Variants in CCDC88C observed in about 807,000 individuals in gnomAD.
The protein encoded by CCDC88C is protein Daple.
A neutral mutation model predicts 198.8 loss-of-function variants in CCDC88C; 131 were observed. The observed-to-expected ratio is 0.66, with a 90% CI of 0.57 to 0.76. The LOEUF is 0.76. Ranked by LOEUF, CCDC88C falls within the 30% of genes least tolerant of loss-of-function variation. The probability of loss-of-function intolerance (pLI) is 0.00; values close to 1 mark genes in which losing one functional copy is unlikely to be tolerated. For synonymous variants in CCDC88C, 1,166 were observed against 1,114.7 expected (o/e 1.05, Z -0.92); for missense variants, 2,553 against 2,631.6 (o/e 0.97, Z 0.65).
intron 3 of CCDC88C, among the ~76,000 whole-genome samples, chr14:91,386,889 CA>C: frequency 6.6e-6 from 1 of 152,328 alleles, no homozygotes; most frequent in East Asian, 1.9e-4. Flanking sequence ...AGCCAGGACC[CA>C]CCACAATGAG....
chr14:91,344,302 C>A (rs1053275814), intron 4 of CCDC88C, among the ~76,000 whole-genome samples: 1 of 152,122 alleles, frequency 6.6e-6, no homozygotes, highest in Non-Finnish European at 1.5e-5. Flanking sequence ...ACTGAGTCAA[C>A]GCTAAAATAA....
rs763754606 is a variant in CCDC88C at position 91,309,966 on chromosome 14, C to T, written c.2757G>A (p.Leu919=). Residue 919 remains leucine (L), a synonymous_variant, in exon 16 of 30, where the codon CTG becomes CTA. Transcript: ENST00000389857. ...TLREDLVLEK[L]KSQQLSSELD... ...GCTCACTGCTGAGCTGCTGGCTCTT[C>T]AGCTTCTCGAGCACCAGGTCCTGGA... 3.1e-6 allele frequency: 5 copies of T among 1,600,280 alleles called. No homozygotes were observed. The African/African-American group carries it at 4.0e-5, about 13-fold the overall frequency.
At chr14:91,364,935 G>A (rs1002609591) in intron 3 of CCDC88C, among the ~76,000 whole-genome samples, 1 of 152,204 alleles carries the variant, frequency 6.6e-6, no homozygotes, top group Admixed American at 6.5e-5. Flanking sequence ...CAGGATACAG[G>A]TGTCCCACTC....
chr14:91,338,079 C>G lies in CCDC88C; in HGVS notation c.976G>C (p.Glu326Gln), dbSNP rs1291571944. Residue 326 changes from glutamate to glutamine, a missense_variant, in exon 10 of 30, where the codon GAG becomes CAG. By Grantham distance (29) the Glu-to-Gln change is conservative. Transcript: ENST00000389857. This position sits in a 1 kb window ranked among gnomAD's most constrained non-coding sequence, Gnocchi z 4.8. ...CGGGTCAGCTCCAGCTCCAGCCTCTCCACGCGGTTCGCCTTCTCCCGCAGG... is the reference window on the plus strand; with the variant it reads ...CGGGTCAGCTCCAGCTCCAGCCTCTGCACGCGGTTCGCCTTCTCCCGCAGG... ...DSLREKANRV[E>Q]RLELELTRCK... is the part of the protein sequence containing the mutation. 1 of 1,613,900 alleles carries G rather than the reference C, an allele frequency of 6.2e-7. No individual in the cohort carries two copies. Among genetic ancestry groups the G allele is most frequent in the Non-Finnish European group, 8.5e-7 (1 of 1,179,890 alleles).
intron 2 of CCDC88C, among the ~76,000 whole-genome samples, chr14:91,413,260 T>A (rs563411644): frequency 6.6e-6 from 1 of 152,316 alleles, no homozygotes; most frequent in South Asian, 2.1e-4. Flanking sequence ...ATCTGCACAA[T>A]GATAGACATA....
intron 29 of CCDC88C, among the ~76,000 whole-genome samples, chr14:91,274,709 C>A (rs977582393): frequency 1.3e-5 from 2 of 152,246 alleles, no homozygotes; most frequent in African/African-American, 4.8e-5. Flanking sequence ...AGGTACCTTT[C>A]ATCACCTGTG....
At chr14:91,355,065 T>C (rs563894654) in intron 4 of CCDC88C, among the ~76,000 whole-genome samples, 3 of 152,048 alleles carry the variant, frequency 2.0e-5, no homozygotes, top group East Asian at 3.9e-4. Flanking sequence ...GGCTGCAAAA[T>C]GACAGTCGGC....
In CCDC88C at chr14:91,299,917, C is replaced by T. The variant is rs373085276; in HGVS notation, c.3779+10G>A. On this transcript the variant is annotated intron_variant, in intron 21 of 29. Coordinates refer to ENST00000389857, the MANE Select transcript of CCDC88C (RefSeq NM_001080414.4). The stretch of plus-strand genomic sequence containing the variant: ...TGCTGCTATGTGCAGGGCCGGGCGC[C>T]GGCGCTCACCTGTCCAGCTCGCCCC... The T allele has an allele frequency of 1.1e-4, 178 of 1,576,950 alleles. No homozygotes were observed. In the African/African-American group the frequency reaches 1.9e-3, roughly 16 times the overall value.
chr14:91,337,725 T>C (rs998343997), intron 10 of CCDC88C, among the ~76,000 whole-genome samples: 1 of 152,188 alleles, frequency 6.6e-6, no homozygotes. Flanking sequence ...CGCACACGGA[T>C]AGAAGGTGAT....
At chr14:91,310,125 C>T (rs763072430) in intron 15 of CCDC88C, 139 bp from the exon 16 acceptor site, 2 of 807,802 alleles carry the variant, frequency 2.5e-6, no homozygotes, top group Non-Finnish European at 3.6e-6. Flanking sequence ...ACTCTGAACC[C>T]CAGGGATGCT....
At chr14:91,395,141 A>G (rs1462829959) in intron 3 of CCDC88C, among the ~76,000 whole-genome samples, 1 of 152,210 alleles carries the variant, frequency 6.6e-6, no homozygotes, top group African/African-American at 2.4e-5. Flanking sequence ...GGAACCCACC[A>G]TTCGACCTTG....
rs1893872037 is a variant in CCDC88C at position 91,352,771 on chromosome 14, G to A, written c.340+6871C>T. ...ATGAAGCCTGAGTGGCCGACCCTCA[G>A]CCTCCACACCACACGGTGAGCAGGC... On this transcript the variant is annotated intron_variant, in intron 4 of 29. Transcript: ENST00000389857. This position sits in a 1 kb window ranked among gnomAD's most constrained non-coding sequence, Gnocchi z 4.2. Among the ~76,000 whole-genome samples the A allele has an allele frequency of 2.0e-5, 3 of 152,222 alleles. No homozygotes were observed. The highest frequency in any genetic ancestry group is 4.4e-5 in the Non-Finnish European group (3 of 68,042).
At chr14:91,393,245 A>G (rs553833489) in intron 3 of CCDC88C, among the ~76,000 whole-genome samples, 8 of 152,252 alleles carry the variant, frequency 5.3e-5, no homozygotes, top group African/African-American at 1.9e-4. Flanking sequence ...CCTGGAGGAC[A>G]AGAGGAGCTG....
At chr14:91,340,334 A>G (rs1443806177) in intron 6 of CCDC88C, among the ~76,000 whole-genome samples, 1 of 152,228 alleles carries the variant, frequency 6.6e-6, no homozygotes, top group Admixed American at 6.5e-5. Flanking sequence ...AGCTACATCA[A>G]TGTAGAACAC....
intron 3 of CCDC88C, among the ~76,000 whole-genome samples, chr14:91,398,078 G>A (rs1267852033): frequency 1.3e-5 from 2 of 152,164 alleles, no homozygotes; most frequent in African/African-American, 4.8e-5. Context: ...AAAGCCCCCA[G>A]CATGGGCACT....
intron 4 of CCDC88C, among the ~76,000 whole-genome samples, chr14:91,346,701 C>G (rs1186844494): frequency 1.3e-5 from 2 of 152,112 alleles, no homozygotes; most frequent in Non-Finnish European, 2.9e-5. Context: ...GAGTTCGAAA[C>G]CAGCCTGGCC....
At chr14:91,401,140 G>C (rs1004912075) in intron 3 of CCDC88C, among the ~76,000 whole-genome samples, 1 of 148,130 alleles carries the variant, frequency 6.8e-6, no homozygotes, top group South Asian at 2.1e-4. Context: ...GCAAGCACAA[G>C]TACCAAAATG....
In CCDC88C at chr14:91,338,546, C is replaced by A; in HGVS notation, c.834G>T (p.Val278=). The A allele has an allele frequency of 6.4e-7, 1 of 1,570,336 alleles. No homozygotes were observed. Among genetic ancestry groups the A allele is most frequent in the East Asian group, 2.4e-5 (1 of 42,176 alleles). The change falls in exon 9 of 30, where the codon GTG becomes GTT. Residue 278 remains valine (V), a synonymous_variant. Transcript: ENST00000389857. The surrounding 1 kb of genome is among the most constrained non-coding windows in gnomAD (Gnocchi z 4.8). Reference sequence around the variant, plus strand: ...GCTGGTCCACCTCATGTCTGGTGTCCACAAGCTGCTCTGTCTTATCCTCCC... The same window carrying A: ...GCTGGTCCACCTCATGTCTGGTGTCAACAAGCTGCTCTGTCTTATCCTCCC... ...QELEDKTEQL[V]DTRHEVDQLV...
At position 91,313,808 on chromosome 14, in the gene CCDC88C, C is replaced by T. The variant is rs1891960804; in HGVS notation, c.2008G>A (p.Gly670Ser). 1 of 1,604,954 alleles carries T rather than the reference C, an allele frequency of 6.2e-7. No homozygotes were observed. The highest frequency in any genetic ancestry group is 8.5e-7 in the Non-Finnish European group (1 of 1,178,194). ...KVEALEHESQ[G>S]LQLENRTLRK... The stretch of plus-strand genomic sequence containing the variant: ...AGAGTCCGGTTCTCCAGCTGCAGGC[C>T]CTGGCTCTCATGCTCCAGGGCCTCG... Residue 670 changes from glycine to serine, a missense_variant, in exon 15 of 30, where the codon GGC becomes AGC. Gly to Ser is a moderately conservative substitution (Grantham distance 56). Coordinates refer to ENST00000389857, the MANE Select transcript of CCDC88C (RefSeq NM_001080414.4). The surrounding 1 kb of genome is among the most constrained non-coding windows in gnomAD (Gnocchi z 5.2).
Sources: gnomAD v4.1 joint callset for allele counts (sites outside exome capture counted in the v4.1 genomes callset) on GRCh38, gnomAD v4.1.1 for gene constraint, Gnocchi (gnomAD v3.1) non-coding constraint, MANE v1.5 for transcripts, NCBI Gene and HGNC (gene_info 2026-07-23, HGNC 2026-07-21) for gene names.